SNAPC4: variants seen among roughly 807,000 people sequenced by gnomAD.
SNAPC4 encodes snRNA-activating protein complex subunit 4.
A neutral mutation model predicts 151.3 loss-of-function variants in SNAPC4; 127 were observed. That is an observed-to-expected ratio of 0.84 (90% CI 0.73 to 0.97). The LOEUF (loss-of-function observed/expected upper bound fraction) is 0.97, where lower values mean the gene tolerates loss of function less well. SNAPC4 is among the 50% of genes least tolerant of loss of function. SNAPC4 has a pLI of 0.00. For missense variants in SNAPC4, 2,186 were observed against 1,935.0 expected (o/e 1.13, Z -2.43); for synonymous variants, 1,002 against 824.4 (o/e 1.22, Z -3.69).
chr9:136,398,436 G>A lies in SNAPC4; in HGVS notation c.-8C>T, dbSNP rs374623849. 3.5e-5 allele frequency: 56 copies of A among 1,610,636 alleles called. No individual in the cohort carries two copies. The highest frequency in any genetic ancestry group is 4.2e-5 in the Non-Finnish European group (50 of 1,177,484). On this transcript the variant is annotated splice_region_variant and 5_prime_UTR_variant, in exon 2 of 24. Transcript: ENST00000684778. Reference sequence around the variant, plus strand: ...TTCAGCATCTACATCCATGACTCCCGCCTGCCTCCAAAACACACCCCGAGA... The same window carrying A: ...TTCAGCATCTACATCCATGACTCCCACCTGCCTCCAAAACACACCCCGAGA...
chr9:136,395,647 G>A lies in SNAPC4; in HGVS notation c.301C>T (p.Leu101=). Residue 101 remains leucine (L), a synonymous_variant, in exon 4 of 24, where the codon CTG becomes TTG. Coordinates refer to ENST00000684778, the MANE Select transcript of SNAPC4 (RefSeq NM_003086.4). ...GCCAGCAGCAGGTTGGCCTCAGCCA[G>A]CTTCTCCTGGATGACCTCCTGGTAG... ...MVYQEVIQEK[L]AEANLLLAQN... 6.2e-7 allele frequency: 1 copy of A among 1,612,992 alleles called. No homozygotes were observed. Among genetic ancestry groups the A allele is most frequent in the Non-Finnish European group, 8.5e-7 (1 of 1,179,938 alleles).
At position 136,382,066 on chromosome 9, in the gene SNAPC4, T is replaced by A; in HGVS notation, c.2075A>T (p.Gln692Leu). 6.3e-7 allele frequency: 1 copy of A among 1,586,010 alleles called. No individual in the cohort carries two copies. Among genetic ancestry groups the A allele is most frequent in the South Asian group, 1.1e-5 (1 of 88,390 alleles). The change falls in exon 18 of 24, where the codon CAG becomes CTG. Residue 692 changes from glutamine to leucine, a missense_variant. By Grantham distance (113) the Gln-to-Leu change is moderately radical (BLOSUM62 -2). Transcript: ENST00000684778. ...TAARSCTQKEQLRQPPLPTSS... is the reference protein window; with the variant it reads ...TAARSCTQKELLRQPPLPTSS... Reference sequence around the variant, plus strand: ...GGTGGGCAGGGGTGGCTGCCTCAGCTGCTCTTTCTGTAAGGAGAAGGCAGC... The same window carrying A: ...GGTGGGCAGGGGTGGCTGCCTCAGCAGCTCTTTCTGTAAGGAGAAGGCAGC...
Position 136,376,471 on chromosome 9 carries a change from T to C in SNAPC4, c.4295A>G (p.Asp1432Gly). The change falls in exon 23 of 24, where the codon GAC becomes GGC. Residue 1432 changes from aspartate (D) to glycine (G), a missense_variant. Asp to Gly is a moderately conservative substitution (Grantham distance 94, BLOSUM62 -1). Coordinates refer to ENST00000684778, the MANE Select transcript of SNAPC4 (RefSeq NM_003086.4). Reference sequence around the variant, plus strand: ...GGAGGAAGCAGAGCATTTACCAGAGTCTGGGGCTCCCTGAAAGAAAATCCA... The same window carrying C: ...GGAGGAAGCAGAGCATTTACCAGAGCCTGGGGCTCCCTGAAAGAAAATCCA... Reference protein sequence around the residue: ...TATCPIQGAPDSGKCSASSCL... With the variant: ...TATCPIQGAPGSGKCSASSCL... 6.2e-7 allele frequency: 1 copy of C among 1,612,810 alleles called. No homozygotes were observed. The highest frequency in any genetic ancestry group is 8.5e-7 in the Non-Finnish European group (1 of 1,179,718).
Position 136,377,970 on chromosome 9 carries a change from A to G in SNAPC4, c.3857T>C (p.Leu1286Pro), listed in dbSNP as rs376528681. The G allele has an allele frequency of 1.9e-6, 3 of 1,602,930 alleles. No individual in the cohort carries two copies. Among genetic ancestry groups the G allele is most frequent in the Non-Finnish European group, 1.7e-6 (2 of 1,174,732 alleles). ...QEGEAATQQW[L>P]GGQRGVRVPL... ...CACACGCACCCCCCGCTGGCCCCCC[A>G]GCCACTGCTGTGTGGCCGCCTCGCC... The change falls in exon 22 of 24, where the codon CTG becomes CCG. Residue 1286 changes from leucine (L) to proline (P), a missense_variant. By Grantham distance (98) the Leu-to-Pro change is moderately conservative (BLOSUM62 -3). Coordinates refer to ENST00000684778, the MANE Select transcript of SNAPC4 (RefSeq NM_003086.4).
Position 136,392,663 on chromosome 9 carries a change from C to T in SNAPC4, c.737+10G>A, listed in dbSNP as rs553117028. The T allele has an allele frequency of 4.4e-6, 7 of 1,607,524 alleles. No homozygotes were observed. Among genetic ancestry groups the T allele is most frequent in the Non-Finnish European group, 6.0e-6 (7 of 1,175,068 alleles). On this transcript the variant is annotated intron_variant, in intron 8 of 23. Coordinates refer to ENST00000684778, the MANE Select transcript of SNAPC4 (RefSeq NM_003086.4). ...GGCTCCCCTGGGCCCTCCCGGGAGG[C>T]CCCCCTCACTTGATGTCCTGGATCT... is the stretch of plus-strand genomic sequence containing the variant.
At chr9:136,399,085 G>C (rs1396002798) in intron 1 of SNAPC4, among the ~76,000 whole-genome samples, 2 of 152,244 alleles carry the variant, frequency 1.3e-5, no homozygotes, top group East Asian at 1.9e-4. Context: ...CTGTGGTCCA[G>C]GAAGTCTGAA....
chr9:136,397,559 T>A (rs1443158601), intron 2 of SNAPC4, among the ~76,000 whole-genome samples: 1 of 54,472 alleles, frequency 1.8e-5, no homozygotes, highest in African/African-American at 7.3e-5. Context: ...GGGAGCATGT[T>A]GGGAGGAGAG....
At chr9:136,399,894 G>C (rs1443466057) in intron 1 of SNAPC4, among the ~76,000 whole-genome samples, 3 of 152,072 alleles carry the variant, frequency 2.0e-5, no homozygotes, top group African/African-American at 7.2e-5. Flanking sequence ...CGCCCCGCCG[G>C]AGCCTCCTCG....
rs1833802126 is a variant in SNAPC4, at chr9:136,383,928, G to A, written c.1500+25C>T. 1 of 1,604,636 alleles carries A rather than the reference G, an allele frequency of 6.2e-7. No homozygotes were observed. Among genetic ancestry groups the A allele is most frequent in the Non-Finnish European group, 8.5e-7 (1 of 1,172,290 alleles). ...TTGACCAGGCCATTGTCTGGTTTCA[G>A]ATAAAGAAGGAGCGAGTGGCTCACC... On this transcript the variant is annotated intron_variant, in intron 15 of 23. Transcript: ENST00000684778. The surrounding 1 kb of genome is among the most constrained non-coding windows in gnomAD (Gnocchi z 4.2).
intron 13 of SNAPC4, among the ~76,000 whole-genome samples, chr9:136,386,434 A>ATTT (rs1022722686): frequency 1.6e-5 from 2 of 128,914 alleles, no homozygotes; most frequent in African/African-American, 5.8e-5. Flanking sequence ...TCTACACTTC[A>ATTT]TTTTTTTTTT....
intron 16 of SNAPC4, among the ~76,000 whole-genome samples, 167 bp from the exon 17 acceptor site, chr9:136,382,503 C>T (rs781591867): frequency 3.9e-5 from 6 of 152,224 alleles, no homozygotes; most frequent in Non-Finnish European, 7.3e-5. Flanking sequence ...GCGTGGGTTC[C>T]CCAGGCAGGG....
chr9:136,391,869 C>T (rs1230693394), intron 10 of SNAPC4, 73 bp downstream of exon 10: 3 of 1,508,432 alleles, frequency 2.0e-6, no homozygotes, highest in African/African-American at 2.8e-5. Flanking sequence ...CCGCACCCGT[C>T]CAGCAGCCTC....
Position 136,382,016 on chromosome 9 carries a change from C to A in SNAPC4, c.2125G>T (p.Asp709Tyr). Residue 709 changes from aspartate (D) to tyrosine (Y), a missense_variant, in exon 18 of 24, where the codon GAC becomes TAC. By Grantham distance (160) the Asp-to-Tyr change is radical. Transcript: ENST00000684778. ...PTSSPGVSSG[D>Y]SVARSHVQWL... ...TGCACATGGGATCGGGCCACGCTGT[C>A]ACCAGAGCTGACCCCTGGGGATGAG... 6.2e-7 allele frequency: 1 copy of A among 1,608,334 alleles called. No homozygotes were observed. Among genetic ancestry groups the A allele is most frequent in the African/African-American group, 1.3e-5 (1 of 74,922 alleles).
At chr9:136,395,875 T>C (rs533036837) in intron 3 of SNAPC4, 105 bp from the exon 4 acceptor site, 5 of 1,164,486 alleles carry the variant, frequency 4.3e-6, no homozygotes, top group African/African-American at 3.0e-5. Flanking sequence ...CCGAGGCAGC[T>C]CTGGCATAGC....
At chr9:136,399,156 A>C (rs1248697376) in intron 1 of SNAPC4, among the ~76,000 whole-genome samples, 1 of 152,202 alleles carries the variant, frequency 6.6e-6, no homozygotes, top group Non-Finnish European at 1.5e-5. Flanking sequence ...AATCTAAAGG[A>C]ATCACTAGCA....
rs765923789 is a variant in SNAPC4, at chr9:136,398,279, G to A, written c.130+20C>T. 1.2e-6 allele frequency: 2 copies of A among 1,602,584 alleles called. No homozygotes were observed. The highest frequency in any genetic ancestry group is 8.5e-7 in the Non-Finnish European group (1 of 1,171,236). On this transcript the variant is annotated intron_variant, in intron 2 of 23. Coordinates refer to ENST00000684778, the MANE Select transcript of SNAPC4 (RefSeq NM_003086.4). ...GCTGTTCTTACCAGGACCCCAGGAG[G>A]CTAGGTACAAGGGGCTTACCTGCTT...
Position 136,395,369 on chromosome 9 carries a change from T to C in SNAPC4, c.400A>G (p.Lys134Glu), listed in dbSNP as rs1834229817. 1.2e-6 allele frequency: 2 copies of C among 1,613,552 alleles called. No individual in the cohort carries two copies. The highest frequency in any genetic ancestry group is 1.3e-5 in the African/African-American group (1 of 74,940). Residue 134 changes from lysine (K) to glutamate (E), a missense_variant, in exon 5 of 24, where the codon AAA becomes GAA. Transcript: ENST00000684778. ...ATGTATGTGCTTGGGGGCAGGCTTT[T>C]GCCATCTTTCACCTTGGTGCCTTTG... Reference protein sequence around the residue: ...GSKGTKVKDGKSLPPSTYMGH... With the variant: ...GSKGTKVKDGESLPPSTYMGH...
At chr9:136,398,475 GA>G in intron 1 of SNAPC4, 38 bp from the exon 2 acceptor site, 3 of 1,596,414 alleles carry the variant, frequency 1.9e-6, no homozygotes, top group Non-Finnish European at 2.6e-6. Flanking sequence ...TAGAAACCAA[GA>G]CCGTGCCGGG....
chr9:136,394,952 G>T, intron 5 of SNAPC4, 74 bp from the exon 6 acceptor site: 1 of 1,363,708 alleles, frequency 7.3e-7, no homozygotes. Context: ...TCCCTCCAGA[G>T]CCCACAAAAG....
Sources: allele counts gnomAD v4.1 joint callset (sites outside exome capture counted in the v4.1 genomes callset), GRCh38; gene constraint gnomAD v4.1.1; non-coding constraint Gnocchi (gnomAD v3.1); transcripts MANE v1.5; gene names NCBI Gene and HGNC (gene_info 2026-07-23, HGNC 2026-07-21).